RBMS3: variants seen among roughly 807,000 people sequenced by gnomAD.
The protein encoded by RBMS3 is RNA-binding motif, single-stranded-interacting protein 3.
In RBMS3, 27 loss-of-function variants were observed where a neutral mutation model predicts 66.8. The observed-to-expected ratio is 0.40, with a 90% CI of 0.30 to 0.56. The LOEUF is 0.56. Among genes scored for constraint, RBMS3 ranks in the 20% least tolerant of loss-of-function variants. The probability of loss-of-function intolerance (pLI) is 0.40; values close to 1 mark genes in which losing one functional copy is unlikely to be tolerated. For synonymous variants in RBMS3, 188 were observed against 183.0 expected (o/e 1.03, Z -0.22); for missense variants, 513 against 549.5 (o/e 0.93, Z 0.66).
At chr3:29,571,847 A>G (rs966865416) in intron 3 of RBMS3, among the ~76,000 whole-genome samples, 1 of 152,178 alleles carries the variant, frequency 6.6e-6, no homozygotes, top group South Asian at 2.1e-4. Context: ...GCATTGAATC[A>G]GTAGATTGTT....
At chr3:29,422,640 T>A (rs1263451820) in intron 1 of RBMS3, among the ~76,000 whole-genome samples, 1 of 152,102 alleles carries the variant, frequency 6.6e-6, no homozygotes, top group Non-Finnish European at 1.5e-5. Flanking sequence ...TGCCTAATAT[T>A]CATTTTATCA....
At chr3:29,610,734 G>T (rs907253110) in intron 4 of RBMS3, among the ~76,000 whole-genome samples, 1 of 151,996 alleles carries the variant, frequency 6.6e-6, no homozygotes, top group Non-Finnish European at 1.5e-5. Context: ...GAAAACACTC[G>T]CTGGTCTCAT....
At chr3:29,856,557 C>A (rs935935606) in intron 6 of RBMS3, among the ~76,000 whole-genome samples, 3 of 152,116 alleles carry the variant, frequency 2.0e-5, no homozygotes, top group African/African-American at 7.2e-5. Context: ...TTAGAAAGGT[C>A]TATTGACAAT....
intron 4 of RBMS3, among the ~76,000 whole-genome samples, chr3:29,676,643 A>T (rs1173502255): frequency 6.6e-6 from 1 of 152,210 alleles, no homozygotes. Context: ...ATGACTGTGC[A>T]ATCCTTAAAT....
At chr3:29,802,635 A>T (rs1255730071) in intron 6 of RBMS3, among the ~76,000 whole-genome samples, 1 of 152,142 alleles carries the variant, frequency 6.6e-6, no homozygotes, top group East Asian at 1.9e-4. Flanking sequence ...TGCCCACTCA[A>T]TTTGTTTATG....
chr3:29,788,345 C>A (rs987353206), intron 6 of RBMS3, among the ~76,000 whole-genome samples: 2 of 152,092 alleles, frequency 1.3e-5, no homozygotes, highest in African/African-American at 4.8e-5. Flanking sequence ...CCTGCCCCAC[C>A]CTCTCGAGTA....
chr3:29,946,539 G>A (rs951918759), intron 12 of RBMS3, among the ~76,000 whole-genome samples: 1 of 151,562 alleles, frequency 6.6e-6, no homozygotes, highest in Non-Finnish European at 1.5e-5. Flanking sequence ...AAATATTATG[G>A]TATAATATTA....
intron 2 of RBMS3, among the ~76,000 whole-genome samples, chr3:29,440,005 G>A (rs893264798): frequency 6.6e-6 from 1 of 152,170 alleles, no homozygotes; most frequent in Non-Finnish European, 1.5e-5. Context: ...GAAAGAGAGA[G>A]AGAGCATTGT....
At chr3:29,447,758 T>C (rs1407590074) in intron 2 of RBMS3, among the ~76,000 whole-genome samples, 1 of 152,216 alleles carries the variant, frequency 6.6e-6, no homozygotes, top group African/African-American at 2.4e-5. Context: ...AATGATTTTT[T>C]ACGCTGTACT....
At chr3:29,956,852 C>A (rs1482382415) in intron 12 of RBMS3, among the ~76,000 whole-genome samples, 2 of 152,060 alleles carry the variant, frequency 1.3e-5, no homozygotes, top group African/African-American at 4.8e-5. Flanking sequence ...ATCCTCAGTC[C>A]TTAGCCTGTG....
intron 6 of RBMS3, among the ~76,000 whole-genome samples, chr3:29,812,220 C>A (rs1201766011): frequency 2.6e-5 from 4 of 151,870 alleles, no homozygotes. Flanking sequence ...GATACAAGCC[C>A]CTTAGATAAA....
chr3:29,813,090 T>G (rs1020371320), intron 6 of RBMS3, among the ~76,000 whole-genome samples: 3 of 152,126 alleles, frequency 2.0e-5, no homozygotes, highest in Non-Finnish European at 2.9e-5. Flanking sequence ...ACCCTTTTAT[T>G]AGACATAAAT....
chr3:29,775,551 A>G (rs1253627742), intron 6 of RBMS3, among the ~76,000 whole-genome samples: 5 of 152,032 alleles, frequency 3.3e-5, no homozygotes, highest in Non-Finnish European at 7.4e-5. Flanking sequence ...ACTAATATCT[A>G]AGAGCCAGAA....
rs915912118 is a variant in RBMS3, at chr3:29,607,086, C to T, written c.399+19881C>T. On this transcript the variant is annotated intron_variant, in intron 4 of 14. Coordinates refer to ENST00000383767, the MANE Select transcript of RBMS3 (RefSeq NM_001003793.3). ...ATGGAGTATGCTGGAAAATGGCAAA[C>T]ATTCTGTGTGGGTTTCAGAATTGCT... Among the ~76,000 whole-genome samples the T allele has an allele frequency of 4.6e-5, 7 of 151,896 alleles. No homozygotes were observed. In the South Asian group the frequency reaches 1.2e-3, roughly 27 times the overall value.
chr3:29,587,122 T>C lies in RBMS3; in HGVS notation c.316T>C (p.Phe106Leu). ...ATTTTGTGTTTTCACAGGTTATGGT[T>C]TTGTAGATTTTGACAGTCCTGCAGC... is the stretch of plus-strand genomic sequence containing the variant. The part of the protein sequence containing the change: ...KNTNQCKGYG[F>L]VDFDSPAAAQ... The change falls in exon 4 of 15, where the codon TTT becomes CTT. Residue 106 changes from phenylalanine to leucine, a missense_variant. Coordinates refer to ENST00000383767, the MANE Select transcript of RBMS3 (RefSeq NM_001003793.3). 1 of 1,609,662 alleles carries C rather than the reference T, an allele frequency of 6.2e-7. No homozygotes were observed. The highest frequency in any genetic ancestry group is 8.5e-7 in the Non-Finnish European group (1 of 1,178,286).
intron 3 of RBMS3, among the ~76,000 whole-genome samples, chr3:29,505,810 A>G (rs538905990): frequency 6.6e-6 from 1 of 151,480 alleles, no homozygotes; most frequent in East Asian, 1.9e-4. Flanking sequence ...GTTAAATTTA[A>G]TTTTAAGTAT....
chr3:29,950,227 G>A (rs1049622334), intron 12 of RBMS3, among the ~76,000 whole-genome samples: 17 of 151,934 alleles, frequency 1.1e-4, no homozygotes, highest in East Asian at 7.8e-4. Flanking sequence ...TAGTGATGCA[G>A]CACACACATC....
intron 4 of RBMS3, among the ~76,000 whole-genome samples, chr3:29,734,086 G>T (rs2054266698): frequency 6.6e-6 from 1 of 152,002 alleles, no homozygotes; most frequent in South Asian, 2.1e-4. Flanking sequence ...ATTCTGTCAT[G>T]CATGACAACA....
intron 12 of RBMS3, among the ~76,000 whole-genome samples, chr3:29,985,428 G>T (rs906251176): frequency 6.6e-6 from 1 of 152,012 alleles, no homozygotes; most frequent in African/African-American, 2.4e-5. Context: ...GCATCTAGCA[G>T]CCCAAATAGC....
Sources: gnomAD v4.1 joint callset for allele counts (sites outside exome capture counted in the v4.1 genomes callset) on GRCh38, gnomAD v4.1.1 for gene constraint, MANE v1.5 for transcripts, NCBI Gene and HGNC (gene_info 2026-07-23, HGNC 2026-07-21) for gene names.